The following EPB41L4A variants were observed in gnomAD, a reference collection of about 807,000 sequenced individuals.
The protein encoded by EPB41L4A is erythrocyte membrane protein band 4.1 like 4A, also known as band 4.1-like protein 4A.
A neutral mutation model predicts 108.6 loss-of-function variants in EPB41L4A; 100 were observed. The observed-to-expected ratio is 0.92, with a 90% CI of 0.78 to 1.09. The LOEUF (loss-of-function observed/expected upper bound fraction) is 1.09. EPB41L4A is among the 50% of genes least tolerant of loss of function. The pLI is 0.00. For missense variants in EPB41L4A, 1,030 were observed against 842.7 expected (o/e 1.22, Z -2.75); for synonymous variants, 319 against 289.0 (o/e 1.10, Z -1.05).
intron 2 of EPB41L4A, among the ~76,000 whole-genome samples, chr5:112,291,848 T>C (rs1402225543): frequency 1.3e-5 from 2 of 152,196 alleles, no homozygotes; most frequent in Non-Finnish European, 2.9e-5. Context: ...TCTTCATCTA[T>C]ATATTCTGCG....
At chr5:112,310,618 G>T (rs940470) in intron 1 of EPB41L4A, among the ~76,000 whole-genome samples, 1 of 151,958 alleles carries the variant, frequency 6.6e-6, no homozygotes, top group Non-Finnish European at 1.5e-5. Context: ...GTTTTATCAA[G>T]TTCTTTTTGG....
rs745666661 is a variant in EPB41L4A, at chr5:112,266,289, C to A, written c.377G>T (p.Gly126Val). ...AGTGTTGACGGGACAGGGCAGACGG[C>A]CCTGAAGGACATCTTGCTTCACCTG... is the stretch of plus-strand genomic sequence containing the variant. ...FLQVKQDVLQ[G>V]RLPCPVNTAA... The change falls in exon 5 of 23, where the codon GGC becomes GTC. Residue 126 changes from glycine to valine, a missense_variant. Gly to Val is a moderately radical substitution (Grantham distance 109). Coordinates refer to ENST00000261486, the MANE Select transcript of EPB41L4A (RefSeq NM_022140.5). 4 of 1,609,838 alleles carry A rather than the reference C, an allele frequency of 2.5e-6. No homozygotes were observed. The highest frequency in any genetic ancestry group is 1.7e-5 in the Admixed American group (1 of 59,516).
downstream of EPB41L4A, chr5:112,161,387 A>G (rs1759891224): frequency 7.2e-6 from 3 of 419,122 alleles, no homozygotes; most frequent in African/African-American, 2.1e-5. Flanking sequence ...ATCGTGAGAA[A>G]ATTTCTCTGA....
intron 1 of EPB41L4A, among the ~76,000 whole-genome samples, chr5:112,345,763 A>G (rs1017766709): frequency 8.6e-6 from 1 of 115,712 alleles, no homozygotes; most frequent in African/African-American, 3.2e-5. Flanking sequence ...GCATATATAT[A>G]TATACATATA....
intron 2 of EPB41L4A, among the ~76,000 whole-genome samples, chr5:112,289,414 T>C (rs1753502208): frequency 6.6e-6 from 1 of 152,006 alleles, no homozygotes; most frequent in Non-Finnish European, 1.5e-5. Context: ...AGGAAAAACT[T>C]TGAGAGGTGC....
intron 1 of EPB41L4A, among the ~76,000 whole-genome samples, chr5:112,328,035 C>T (rs985800264): frequency 1.3e-5 from 2 of 152,036 alleles, no homozygotes; most frequent in Admixed American, 1.3e-4. Context: ...GAAGGCCGGA[C>T]ACGGTGGCTC....
chr5:112,291,165 A>T (rs1482869947), intron 2 of EPB41L4A, among the ~76,000 whole-genome samples: 1 of 152,142 alleles, frequency 6.6e-6, no homozygotes, highest in Non-Finnish European at 1.5e-5. Flanking sequence ...GACATTTCCA[A>T]CAGAAATGTA....
At position 112,209,917 on chromosome 5, in the gene EPB41L4A, T is replaced by C; in HGVS notation, c.1153A>G (p.Ile385Val). The change falls in exon 13 of 23, where the codon ATT (isoleucine) becomes GTT (valine). Residue 385 changes from isoleucine to valine, a missense_variant. By Grantham distance (29) the Ile-to-Val change is conservative. Transcript: ENST00000261486. ...ENGENEGTIK[I>V]IAPSPVKSFK... ...CTTTTTACTGGTGAAGGTGCAATAA[T>C]TTTAATTGTTCCTTCATTTTCTCCA... 2 of 1,605,940 alleles carry C rather than the reference T, an allele frequency of 1.2e-6. No individual in the cohort carries two copies. The highest frequency in any genetic ancestry group is 2.2e-5 in the South Asian group (2 of 90,748).
intron 1 of EPB41L4A, among the ~76,000 whole-genome samples, chr5:112,334,195 G>A (rs1224546462): frequency 6.6e-6 from 1 of 152,092 alleles, no homozygotes; most frequent in Non-Finnish European, 1.5e-5. Flanking sequence ...ATTCCAACCT[G>A]ACTTTGGTAT....
At chr5:112,324,219 A>G (rs1347380339) in intron 1 of EPB41L4A, among the ~76,000 whole-genome samples, 1 of 152,216 alleles carries the variant, frequency 6.6e-6, no homozygotes, top group Non-Finnish European at 1.5e-5. Flanking sequence ...AGAACGAAAA[A>G]TTCTAAACTA....
At position 112,258,243 on chromosome 5, in the gene EPB41L4A, T is replaced by A. The variant is rs150349235; in HGVS notation, c.795+986A>T. Among the ~76,000 whole-genome samples the A allele has an allele frequency of 4.4e-3, 676 of 152,328 alleles. 27 individuals carry two copies. Among genetic ancestry groups the A allele is most frequent in the Admixed American group, 0.034 (520 of 15,292 alleles). On this transcript the variant is annotated intron_variant, in intron 9 of 22. Coordinates refer to ENST00000261486, the MANE Select transcript of EPB41L4A (RefSeq NM_022140.5). Reference sequence around the variant, plus strand: ...CACAGTGTCTCAGTGCATCAGCTCATTGATCATTCAACAGATACTTATGAA... The same window carrying A: ...CACAGTGTCTCAGTGCATCAGCTCAATGATCATTCAACAGATACTTATGAA...
intron 1 of EPB41L4A, among the ~76,000 whole-genome samples, chr5:112,368,247 C>T (rs1580772542): frequency 1.3e-5 from 2 of 152,268 alleles, no homozygotes; most frequent in Middle Eastern, 3.4e-3. Context: ...CATCTCTTTG[C>T]CCCTTACTTG....
chr5:112,323,162 A>C (rs1755914144), intron 1 of EPB41L4A, among the ~76,000 whole-genome samples: 1 of 152,130 alleles, frequency 6.6e-6, no homozygotes, highest in Non-Finnish European at 1.5e-5. Context: ...TGCAGATAAC[A>C]GGCTTTCCTG....
intron 12 of EPB41L4A, among the ~76,000 whole-genome samples, chr5:112,148,886 G>T (rs542950818): frequency 6.6e-6 from 1 of 152,224 alleles, no homozygotes; most frequent in African/African-American, 2.4e-5. Context: ...TAAGACTAAG[G>T]TCCAGCATAC....
At chr5:112,397,174 T>C (rs1013890662) in intron 1 of EPB41L4A, among the ~76,000 whole-genome samples, 2 of 152,180 alleles carry the variant, frequency 1.3e-5, no homozygotes, top group African/African-American at 2.4e-5. Context: ...CACTTATAAG[T>C]GAGAAAATGA....
chr5:112,378,778 G>A (rs989305921), intron 1 of EPB41L4A, among the ~76,000 whole-genome samples: 1 of 152,186 alleles, frequency 6.6e-6, no homozygotes, highest in African/African-American at 2.4e-5. Context: ...TTCACTGGAT[G>A]CTCAACTGAA....
intron 1 of EPB41L4A, among the ~76,000 whole-genome samples, chr5:112,368,615 A>T (rs531727700): frequency 6.6e-6 from 1 of 151,916 alleles, no homozygotes; most frequent in East Asian, 1.9e-4. Flanking sequence ...CCACTGTTCT[A>T]CTGCACCTGC....
chr5:112,223,031 C>T (rs576886177), intron 12 of EPB41L4A, among the ~76,000 whole-genome samples: 3 of 151,908 alleles, frequency 2.0e-5, no homozygotes, highest in Non-Finnish European at 4.4e-5. Context: ...CTCTGCCTCC[C>T]GGGTTCAAGC....
At chr5:112,363,347 A>G (rs1758900444) in intron 1 of EPB41L4A, 1 of 151,352 alleles carries the variant, frequency 6.6e-6, no homozygotes. Context: ...ATCATGCCCA[A>G]CACTTTGAGA....
Sources: allele counts gnomAD v4.1 joint callset (sites outside exome capture counted in the v4.1 genomes callset), GRCh38; gene constraint gnomAD v4.1.1; transcripts MANE v1.5; gene names NCBI Gene and HGNC (gene_info 2026-07-23, HGNC 2026-07-21).